Variants in NME7 observed in about 807,000 individuals in gnomAD.
NME7 encodes the protein NME/NM23 family member 7.
In NME7, 41 loss-of-function variants were observed where a neutral mutation model predicts 49.1. The observed-to-expected ratio is 0.83, with a 90% CI of 0.65 to 1.08. NME7 has a LOEUF of 1.08. Ranked by LOEUF, NME7 falls within the 50% of genes least tolerant of loss-of-function variation. The pLI, the probability that NME7 is intolerant of heterozygous loss-of-function variation, is 0.00. For synonymous variants in NME7, 139 were observed against 150.6 expected (o/e 0.92, Z 0.56); for missense variants, 423 against 463.4 (o/e 0.91, Z 0.80).
chr1:169,236,235 T>A (rs1446362863), intron 8 of NME7, among the ~76,000 whole-genome samples: 16 of 152,158 alleles, frequency 1.1e-4, no homozygotes, highest in Admixed American at 1.0e-3. Context: ...TTTTATTTAA[T>A]CTGCTGAGTA....
At chr1:169,183,750 C>T (rs750595478) in intron 10 of NME7, among the ~76,000 whole-genome samples, 5 of 151,604 alleles carry the variant, frequency 3.3e-5, no homozygotes, top group Non-Finnish European at 7.4e-5. Context: ...TGCAGTGAGC[C>T]GAGATCACGC....
intron 9 of NME7, among the ~76,000 whole-genome samples, chr1:169,232,539 A>G (rs966888253): frequency 1.4e-5 from 2 of 141,338 alleles, no homozygotes; most frequent in Admixed American, 7.1e-5. Context: ...AAAAAGCTTT[A>G]TAAGCAGCCA....
chr1:169,241,752 T>C (rs1197064812), intron 7 of NME7, among the ~76,000 whole-genome samples: 2 of 151,888 alleles, frequency 1.3e-5, no homozygotes, highest in South Asian at 2.1e-4. Context: ...TCAAATATTA[T>C]TTAATTGCAT....
intron 1 of NME7, among the ~76,000 whole-genome samples, chr1:169,327,309 T>G (rs916590895): frequency 6.6e-6 from 1 of 152,234 alleles, no homozygotes. Flanking sequence ...ATTTAAAGAT[T>G]ACACTGCATC....
intron 6 of NME7, among the ~76,000 whole-genome samples, chr1:169,291,264 T>C (rs1263913078): frequency 6.6e-6 from 1 of 152,160 alleles, no homozygotes; most frequent in Admixed American, 6.5e-5. Flanking sequence ...CCAACCCAAA[T>C]GCCCATCAGT....
chr1:169,266,597 C>A (rs945394537), intron 7 of NME7, among the ~76,000 whole-genome samples: 1 of 133,096 alleles, frequency 7.5e-6, no homozygotes. Flanking sequence ...AAGTCCTGGC[C>A]AGAGCAATCA....
intron 5 of NME7, among the ~76,000 whole-genome samples, chr1:169,299,285 C>A (rs1391688626): frequency 1.3e-5 from 2 of 151,770 alleles, no homozygotes; most frequent in African/African-American, 2.4e-5. Context: ...AAAAAAAATC[C>A]CCAGCAGGCT....
rs140517794 is a variant in NME7 at position 169,265,615 on chromosome 1, A to G, written c.754+21688T>C. Among the ~76,000 whole-genome samples, 1,014 of 133,224 alleles carry G rather than the reference A, an allele frequency of 7.6e-3. 122 individuals are homozygous for G. Among genetic ancestry groups the G allele is most frequent in the African/African-American group, 0.024 (952 of 39,466 alleles). 87.4% of individuals were successfully genotyped at this position (133,224 alleles called of 152,430 possible). On this transcript the variant is annotated intron_variant, in intron 7 of 11. Coordinates refer to ENST00000367811, the MANE Select transcript of NME7 (RefSeq NM_013330.5). ...ACCAACCCCAAAGCTAGCAGAAGAC[A>G]AGAAATAACCAAAATCAAGAGCTAA...
intron 7 of NME7, among the ~76,000 whole-genome samples, chr1:169,249,456 A>G (rs911522321): frequency 4.6e-5 from 7 of 152,026 alleles, no homozygotes; most frequent in African/African-American, 1.7e-4. Context: ...CTCTTTTTCA[A>G]TTTGGATGCC....
chr1:169,137,302 A>G (rs551895312), intron 11 of NME7, among the ~76,000 whole-genome samples: 1 of 152,374 alleles, frequency 6.6e-6, no homozygotes, highest in Non-Finnish European at 1.5e-5. Context: ...TTTTGAAAAA[A>G]AGGCCTGACA....
At chr1:169,231,778 T>G (rs1647631296) in intron 9 of NME7, among the ~76,000 whole-genome samples, 1 of 152,088 alleles carries the variant, frequency 6.6e-6, no homozygotes, top group Non-Finnish European at 1.5e-5. Flanking sequence ...TGGCCTAAAT[T>G]AGCCCTAGAT....
At chr1:169,319,473 G>T (rs555530876) in intron 3 of NME7, among the ~76,000 whole-genome samples, 1 of 152,192 alleles carries the variant, frequency 6.6e-6, no homozygotes, top group African/African-American at 2.4e-5. Flanking sequence ...GGTTATTTAG[G>T]TCAATCTCCC....
intron 10 of NME7, among the ~76,000 whole-genome samples, chr1:169,188,413 T>C (rs1197524365): frequency 6.6e-6 from 1 of 152,202 alleles, no homozygotes; most frequent in Non-Finnish European, 1.5e-5. Flanking sequence ...GATTGTTCAA[T>C]CACGTCTATG....
intron 10 of NME7, among the ~76,000 whole-genome samples, chr1:169,206,721 CAT>C (rs1660684367): frequency 6.6e-6 from 1 of 151,372 alleles, no homozygotes; most frequent in Admixed American, 6.6e-5. Flanking sequence ...ATATAATGTA[CAT>C]ATTTATTAAA....
At chr1:169,175,330 C>A (rs1052952168) in intron 10 of NME7, among the ~76,000 whole-genome samples, 2 of 152,092 alleles carry the variant, frequency 1.3e-5, no homozygotes, top group African/African-American at 2.4e-5. Context: ...TCCTGAAGGA[C>A]CTGCCTCAGG....
At chr1:169,279,264 T>G (rs1649893560) in intron 7 of NME7, among the ~76,000 whole-genome samples, 1 of 152,210 alleles carries the variant, frequency 6.6e-6, no homozygotes, top group Admixed American at 6.5e-5. Context: ...CGCTGTCTTT[T>G]TGTTTGTCTG....
intron 3 of NME7, among the ~76,000 whole-genome samples, chr1:169,320,347 G>C (rs147810552): frequency 7.4e-4 from 112 of 152,298 alleles, no homozygotes; most frequent in African/African-American, 2.7e-3. Flanking sequence ...TAGTTCATGA[G>C]TTAAGCTGAA....
intron 11 of NME7, among the ~76,000 whole-genome samples, chr1:169,146,968 A>C (rs2101816560): frequency 6.6e-6 from 1 of 152,320 alleles, no homozygotes; most frequent in South Asian, 2.1e-4. Flanking sequence ...GTCATTCAAC[A>C]AATACTGACT....
intron 4 of NME7, among the ~76,000 whole-genome samples, chr1:169,303,980 G>T (rs1180197328): frequency 6.6e-6 from 1 of 151,996 alleles, no homozygotes; most frequent in South Asian, 2.1e-4. Context: ...TCTCTCCAAA[G>T]GAAAGACTAC....
Sources: allele counts gnomAD v4.1 joint callset (sites outside exome capture counted in the v4.1 genomes callset), GRCh38; gene constraint gnomAD v4.1.1; transcripts MANE v1.5; gene names NCBI Gene and HGNC (gene_info 2026-07-23, HGNC 2026-07-21).